The following SPATS2 variants were observed in gnomAD, a reference collection of about 807,000 sequenced individuals.
The protein encoded by SPATS2 is spermatogenesis-associated serine-rich protein 2.
A neutral mutation model predicts 63.7 loss-of-function variants in SPATS2; 38 were observed. The ratio of observed to expected loss-of-function variants is 0.60; its 90% CI spans 0.46 to 0.78. The LOEUF is 0.78. SPATS2 is among the 30% of genes least tolerant of loss of function. The pLI is 0.00. For missense variants in SPATS2, 588 were observed against 666.2 expected, an observed-to-expected ratio of 0.88 and a Z score of 1.29; for synonymous variants, 207 against 232.9, an observed-to-expected ratio of 0.89 and a Z score of 1.01.
At chr12:49,387,664 GTGGGAGA>G (rs1181026214) in intron 2 of SPATS2, among the ~76,000 whole-genome samples, 6 of 149,432 alleles carry the variant, frequency 4.0e-5, no homozygotes, top group African/African-American at 1.2e-4. Context: ...AAAAAAGAAT[GTGGGAGA>G]TGGGAGATGA....
chr12:49,390,929 TTTTCTC>T (rs2137245011), intron 2 of SPATS2, among the ~76,000 whole-genome samples: 1 of 152,326 alleles, frequency 6.6e-6, no homozygotes, highest in African/African-American at 2.4e-5. Flanking sequence ...TGAGATTTGT[TTTTCTC>T]TTCTCTGGCT....
At chr12:49,443,333 A>G (rs76890508) in intron 2 of SPATS2, among the ~76,000 whole-genome samples, 1 of 152,154 alleles carries the variant, frequency 6.6e-6, no homozygotes, top group Non-Finnish European at 1.5e-5. Context: ...TGTTGAAAAG[A>G]TTATTCTTTC....
At chr12:49,401,542 ACAT>A (rs1436455521) in intron 2 of SPATS2, among the ~76,000 whole-genome samples, 1 of 152,200 alleles carries the variant, frequency 6.6e-6, no homozygotes, top group African/African-American at 2.4e-5. Flanking sequence ...GCAATCCCAA[ACAT>A]CATATTTTGT....
intron 9 of SPATS2, among the ~76,000 whole-genome samples, chr12:49,510,392 ATC>A (rs983744312): frequency 6.6e-6 from 1 of 151,172 alleles, no homozygotes; most frequent in African/African-American, 2.4e-5. Context: ...TGAAACCCCC[ATC>A]TCTACAAAAA....
chr12:49,377,712 G>A (rs989900589), intron 2 of SPATS2, among the ~76,000 whole-genome samples: 10 of 152,052 alleles, frequency 6.6e-5, no homozygotes, highest in Admixed American at 5.9e-4. Context: ...ATATGATCAG[G>A]CCAATATTGA....
chr12:49,523,951 CA>C (rs1038093822), intron 12 of SPATS2, among the ~76,000 whole-genome samples: 252 of 129,882 alleles, frequency 1.9e-3, no homozygotes, highest in Middle Eastern at 0.012. Flanking sequence ...GACTCCGGAT[CA>C]AAAAAAAAAA....
At chr12:49,400,800 T>C (rs1439987042) in intron 2 of SPATS2, among the ~76,000 whole-genome samples, 3 of 152,228 alleles carry the variant, frequency 2.0e-5, no homozygotes, top group Non-Finnish European at 4.4e-5. Context: ...ATTGTCATGC[T>C]GAGCTAAGAG....
At chr12:49,472,869 G>C (rs922134081) in intron 3 of SPATS2, among the ~76,000 whole-genome samples, 1 of 150,086 alleles carries the variant, frequency 6.7e-6, no homozygotes, top group African/African-American at 2.4e-5. Context: ...GCTAAACCCC[G>C]TCTCTACAAA....
At chr12:49,382,980 C>T (rs1944248333) in intron 2 of SPATS2, among the ~76,000 whole-genome samples, 3 of 151,918 alleles carry the variant, frequency 2.0e-5, no homozygotes, top group Non-Finnish European at 2.9e-5. Flanking sequence ...GCTGGGATTA[C>T]AGGCATGAGC....
chr12:49,483,678 T>C (rs893977549), intron 3 of SPATS2, among the ~76,000 whole-genome samples: 5 of 152,252 alleles, frequency 3.3e-5, no homozygotes, highest in African/African-American at 9.6e-5. Flanking sequence ...GGTTTTTTTG[T>C]ACCCCTTTTC....
intron 3 of SPATS2, among the ~76,000 whole-genome samples, chr12:49,472,062 C>T (rs1003472999): frequency 1.3e-5 from 2 of 151,962 alleles, no homozygotes; most frequent in African/African-American, 2.4e-5. Flanking sequence ...CACATAAGCC[C>T]AGGAGGTTGA....
intron 2 of SPATS2, among the ~76,000 whole-genome samples, chr12:49,405,029 G>A: frequency 6.6e-6 from 1 of 150,924 alleles, no homozygotes; most frequent in Admixed American, 6.6e-5. Flanking sequence ...CACTGCAGCA[G>A]CAGATTTGAG....
At chr12:49,472,280 ACCCACC>A (rs900479921) in intron 3 of SPATS2, among the ~76,000 whole-genome samples, 9 of 152,098 alleles carry the variant, frequency 5.9e-5, no homozygotes, top group Non-Finnish European at 7.4e-5. Flanking sequence ...CTGTCTTTCC[ACCCACC>A]TCCAATGGGT....
At chr12:49,457,559 G>A (rs900341688) in intron 2 of SPATS2, among the ~76,000 whole-genome samples, 1 of 151,796 alleles carries the variant, frequency 6.6e-6, no homozygotes, top group Non-Finnish European at 1.5e-5. Flanking sequence ...TCAGCCTCCC[G>A]AGTAGCTGGG....
At chr12:49,389,958 A>G (rs1944391402) in intron 2 of SPATS2, 1 of 807,422 alleles carries the variant, frequency 1.2e-6, no homozygotes, top group African/African-American at 1.7e-5. Context: ...TGGCAGCAGT[A>G]ATGAAGAAAG....
In SPATS2 at chr12:49,502,182, C is replaced by G. The variant is rs145844695; in HGVS notation, c.839+1977C>G. ...GACTGTTCCCTCAGGTTATACCTAA[C>G]TGTGTCTCTGTTCACAAATTTAGTC... On this transcript the variant is annotated intron_variant, in intron 9 of 13. Coordinates refer to ENST00000552918, the MANE Select transcript of SPATS2 (RefSeq NM_023071.4). Among the ~76,000 whole-genome samples, 71 of 152,270 alleles carry G rather than the reference C, an allele frequency of 4.7e-4. No individual in the cohort carries two copies. The South Asian group carries it at 0.012, about 26-fold the overall frequency.
intron 2 of SPATS2, chr12:49,390,146 T>C: frequency 6.5e-7 from 1 of 1,541,726 alleles, no homozygotes; most frequent in Non-Finnish European, 8.9e-7. Context: ...AACAGTGACT[T>C]GAGTCTGAGG....
intron 4 of SPATS2, among the ~76,000 whole-genome samples, chr12:49,487,598 T>G (rs1946316514): frequency 6.6e-6 from 1 of 152,172 alleles, no homozygotes; most frequent in African/African-American, 2.4e-5. Flanking sequence ...AATCTTTTTG[T>G]TTGGGTTTTT....
At chr12:49,470,306 A>G (rs1391057906) in intron 3 of SPATS2, among the ~76,000 whole-genome samples, 1 of 152,164 alleles carries the variant, frequency 6.6e-6, no homozygotes, top group Non-Finnish European at 1.5e-5. Context: ...TGCTGGAATT[A>G]CAGGCATGAG....
Sources: gnomAD v4.1 joint callset for allele counts (sites outside exome capture counted in the v4.1 genomes callset) on GRCh38, gnomAD v4.1.1 for gene constraint, MANE v1.5 for transcripts, NCBI Gene and HGNC (gene_info 2026-07-23, HGNC 2026-07-21) for gene names.